The following TMEM132D variants were observed in gnomAD, a reference collection of about 807,000 sequenced individuals.
The protein encoded by TMEM132D is mature OL transmembrane protein.
A neutral mutation model predicts 62.3 loss-of-function variants in TMEM132D; 21 were observed. The observed-to-expected ratio is 0.34, with a 90% CI of 0.24 to 0.49. The LOEUF (loss-of-function observed/expected upper bound fraction) is 0.49. Ranked by LOEUF, TMEM132D falls within the 20% of genes least tolerant of loss-of-function variation. The pLI, the probability that TMEM132D is intolerant of heterozygous loss-of-function variation, is 0.99. For synonymous variants in TMEM132D, 621 were observed against 575.6 expected, an observed-to-expected ratio of 1.08 and a Z score of -1.13; for missense variants, 1,346 against 1,402.8, an observed-to-expected ratio of 0.96 and a Z score of 0.65.
intron 5 of TMEM132D, 70 bp from the exon 6 acceptor site, chr12:129,084,772 A>G: frequency 6.7e-7 from 1 of 1,481,772 alleles, no homozygotes. Context: ...CCCAAGGAGG[A>G]GGAAAGGGAA....
chr12:129,081,791 T>C lies in TMEM132D; in HGVS notation c.1891A>G (p.Met631Val), dbSNP rs2135615827. Reference sequence around the variant, plus strand: ...GTGGTCATCCCAAGCTCCTGCCCCATCAGGATCTGTCCGCCTTGCAGCTTG... The same window carrying C: ...GTGGTCATCCCAAGCTCCTGCCCCACCAGGATCTGTCCGCCTTGCAGCTTG... Reference protein sequence around the residue: ...IAKLQGGQILMGQELGMTTIQ... With the variant: ...IAKLQGGQILVGQELGMTTIQ... Residue 631 changes from methionine (M) to valine (V), a missense_variant, in exon 7 of 9, where the codon ATG (methionine) becomes GTG (valine). Transcript: ENST00000422113. The C allele has an allele frequency of 1.9e-6, 3 of 1,611,302 alleles. No individual in the cohort carries two copies. The South Asian group carries it at 3.3e-5, about 18-fold the overall frequency.
At chr12:129,183,166 G>C (rs1304340206) in intron 5 of TMEM132D, among the ~76,000 whole-genome samples, 2 of 152,206 alleles carry the variant, frequency 1.3e-5, no homozygotes, top group African/African-American at 4.8e-5. Context: ...CAAGACCAGG[G>C]TCAATATAAA....
intron 2 of TMEM132D, among the ~76,000 whole-genome samples, chr12:129,562,513 T>C (rs143697939): frequency 3.9e-5 from 6 of 152,282 alleles, no homozygotes; most frequent in East Asian, 1.9e-4. Context: ...TGGAACCTCA[T>C]AGAAGGGTAT....
chr12:129,165,280 T>C (rs1303178496), intron 5 of TMEM132D, among the ~76,000 whole-genome samples: 1 of 151,824 alleles, frequency 6.6e-6, no homozygotes. Flanking sequence ...TCTGGATGAC[T>C]GTTTGGGTTG....
intron 2 of TMEM132D, among the ~76,000 whole-genome samples, chr12:129,586,525 C>T (rs1878034933): frequency 6.6e-6 from 1 of 152,134 alleles, no homozygotes; most frequent in East Asian, 1.9e-4. Context: ...CCAGCGTGGT[C>T]GGGTTCTAGG....
chr12:129,369,977 G>A (rs1256411121), intron 3 of TMEM132D, among the ~76,000 whole-genome samples: 1 of 152,208 alleles, frequency 6.6e-6, no homozygotes, highest in Non-Finnish European at 1.5e-5. Flanking sequence ...GCGTGGGACA[G>A]TGGCAGGGGT....
chr12:129,651,431 C>T (rs1879925021), intron 2 of TMEM132D, among the ~76,000 whole-genome samples: 1 of 152,078 alleles, frequency 6.6e-6, no homozygotes, highest in Non-Finnish European at 1.5e-5. Context: ...ATTTTGTACT[C>T]TCCAATGCGG....
intron 2 of TMEM132D, among the ~76,000 whole-genome samples, chr12:129,677,303 G>C (rs542135213): frequency 6.6e-6 from 1 of 152,232 alleles, no homozygotes; most frequent in South Asian, 2.1e-4. Flanking sequence ...CCCTCCACAA[G>C]CTCTCTCTTT....
At chr12:129,555,162 T>C (rs1877019740) in intron 2 of TMEM132D, among the ~76,000 whole-genome samples, 1 of 152,238 alleles carries the variant, frequency 6.6e-6, no homozygotes, top group Admixed American at 6.5e-5. Flanking sequence ...AAAAGGAAGC[T>C]GATTGCACAG....
chr12:129,794,351 C>T (rs960722068), intron 1 of TMEM132D, among the ~76,000 whole-genome samples: 5 of 151,148 alleles, frequency 3.3e-5, no homozygotes, highest in Admixed American at 6.6e-5. Context: ...ATCAACCCAC[C>T]TCGGCCTCCC....
chr12:129,509,021 G>A (rs991535066), intron 3 of TMEM132D, among the ~76,000 whole-genome samples: 6 of 152,176 alleles, frequency 3.9e-5, no homozygotes, highest in Admixed American at 1.3e-4. Flanking sequence ...CTGGCCTGCA[G>A]TTCACCATAT....
At chr12:129,759,095 G>T (rs1157147044) in intron 1 of TMEM132D, among the ~76,000 whole-genome samples, 1 of 151,948 alleles carries the variant, frequency 6.6e-6, no homozygotes, top group Non-Finnish European at 1.5e-5. Context: ...CATCATGCCT[G>T]GCTAATTTTT....
intron 3 of TMEM132D, among the ~76,000 whole-genome samples, chr12:129,522,119 T>G (rs11060390): frequency 0.96 from 146,508 of 152,224 alleles, 70,730 homozygotes; most frequent in East Asian, 1. Flanking sequence ...TGATGTCAGT[T>G]AGTCACCAGG....
At chr12:129,364,483 T>C (rs934437917) in intron 3 of TMEM132D, among the ~76,000 whole-genome samples, 1 of 152,238 alleles carries the variant, frequency 6.6e-6, no homozygotes, top group Non-Finnish European at 1.5e-5. Flanking sequence ...ATGCAAAGCT[T>C]GTAGAGGGAT....
intron 5 of TMEM132D, among the ~76,000 whole-genome samples, chr12:129,151,637 C>G (rs1366084129): frequency 6.6e-6 from 1 of 152,168 alleles, no homozygotes; most frequent in Non-Finnish European, 1.5e-5. Flanking sequence ...CTCCATCTCC[C>G]CAAGGACTCC....
chr12:129,691,033 T>C (rs1040206448), intron 2 of TMEM132D, among the ~76,000 whole-genome samples: 5 of 152,084 alleles, frequency 3.3e-5, no homozygotes, highest in Non-Finnish European at 7.4e-5. Context: ...ACTAGAAAGA[T>C]AGATGGTAAG....
In TMEM132D at chr12:129,225,225, C is replaced by T. The variant is rs188787623; in HGVS notation, c.1300-15562G>A. 3.4e-4 allele frequency among the ~76,000 whole-genome samples: 52 copies of T among 152,266 alleles called. No individual in the cohort carries two copies. The East Asian group carries it at 3.7e-3, about 11-fold the overall frequency. On this transcript the variant is annotated intron_variant, in intron 4 of 8. Coordinates refer to ENST00000422113, the MANE Select transcript of TMEM132D (RefSeq NM_133448.3). The stretch of plus-strand genomic sequence containing the variant: ...GAAAGGTGGTTATTGCCATGACTGG[C>T]GCATACTAAGCAAAGCTACATGTTC...
At chr12:129,243,545 A>AT (rs1311913503) in intron 4 of TMEM132D, among the ~76,000 whole-genome samples, 2 of 151,772 alleles carry the variant, frequency 1.3e-5, no homozygotes, top group Non-Finnish European at 2.9e-5. Context: ...TGTAAACAAT[A>AT]TTTTTTTTGC....
At chr12:129,777,873 C>T (rs1488784249) in intron 1 of TMEM132D, among the ~76,000 whole-genome samples, 1 of 152,108 alleles carries the variant, frequency 6.6e-6, no homozygotes, top group Non-Finnish European at 1.5e-5. Context: ...GTGGCTCACC[C>T]CTGTAATCCC....
Sources: gnomAD v4.1 joint callset for allele counts (sites outside exome capture counted in the v4.1 genomes callset) on GRCh38, gnomAD v4.1.1 for gene constraint, MANE v1.5 for transcripts, NCBI Gene and HGNC (gene_info 2026-07-23, HGNC 2026-07-21) for gene names.